C18orf63: variants seen among roughly 807,000 people sequenced by gnomAD.
C18orf63 encodes chromosome 18 open reading frame 63, also known as uncharacterized protein C18orf63.
Under a neutral mutation model 75.3 loss-of-function variants are expected in C18orf63, and 50 were observed. That is an observed-to-expected ratio of 0.66 (90% CI 0.53 to 0.84). The LOEUF is 0.84. Among genes scored for constraint, C18orf63 ranks in the 40% least tolerant of loss-of-function variants. The pLI is 0.00. For synonymous variants in C18orf63, 232 were observed against 267.6 expected (o/e 0.87, Z 1.30); for missense variants, 732 against 800.2 (o/e 0.91, Z 1.03).
At position 74,320,425 on chromosome 18, in the gene C18orf63, C is replaced by A. The variant is rs1009634152; in HGVS notation, c.135-88C>A. ...CTTCCCACCAGGTCCCTTGCCAACA[C>A]TGGGGATTATAATTCAACATGAGAT... On this transcript the variant is annotated intron_variant, in intron 2 of 13. Coordinates refer to ENST00000579455, the MANE Select transcript of C18orf63 (RefSeq NM_001174123.2). The A allele has an allele frequency of 1.2e-5, 11 of 882,866 alleles. No homozygotes were observed. The African/African-American group carries it at 1.4e-4, about 11-fold the overall frequency. The allele number at this position is 882,866 out of a possible 1,614,324, so 54.7% of individuals were successfully genotyped here. A position where few individuals can be genotyped will look rare whatever the true frequency, so the allele number is the denominator to read the frequency against.
At chr18:74,331,434 T>G (rs929079147) in intron 7 of C18orf63, among the ~76,000 whole-genome samples, 2 of 152,226 alleles carry the variant, frequency 1.3e-5, no homozygotes, top group Non-Finnish European at 2.9e-5. Flanking sequence ...GCATAGAACC[T>G]TACACACTAG....
chr18:74,344,304 C>T (rs955244465), intron 11 of C18orf63, among the ~76,000 whole-genome samples: 3 of 152,070 alleles, frequency 2.0e-5, no homozygotes, highest in East Asian at 1.9e-4. Flanking sequence ...ATCAGATTCA[C>T]GGTTTTTATT....
intron 11 of C18orf63, among the ~76,000 whole-genome samples, chr18:74,347,465 T>A (rs1276204176): frequency 6.6e-6 from 1 of 152,210 alleles, no homozygotes; most frequent in Admixed American, 6.5e-5. Context: ...TGGGCCACCG[T>A]GAAACAGGCA....
chr18:74,316,722 A>G (rs1037943731), intron 1 of C18orf63, among the ~76,000 whole-genome samples: 22 of 152,234 alleles, frequency 1.4e-4, no homozygotes, highest in African/African-American at 5.1e-4. Context: ...TCCGTAGATC[A>G]TAATAAGGCT....
intron 11 of C18orf63, among the ~76,000 whole-genome samples, chr18:74,352,769 T>C (rs76866062): frequency 0.024 from 3,594 of 152,304 alleles, 124 homozygotes; most frequent in East Asian, 0.17. Context: ...CACTAAAAGA[T>C]AAGAGAGCTT....
In C18orf63 at chr18:74,320,491, G is replaced by A. The variant is rs1326985482; in HGVS notation, c.135-22G>A. The stretch of plus-strand genomic sequence containing the variant: ...GAACCAAACCATACCAGTCCACTTT[G>A]TAATATATTTCATCTCCACAGGCAA... On this transcript the variant is annotated intron_variant, in intron 2 of 13. Transcript: ENST00000579455. 5.4e-6 allele frequency: 8 copies of A among 1,491,062 alleles called. No individual in the cohort carries two copies. In the South Asian group the frequency reaches 9.7e-5, roughly 18 times the overall value. The allele number at this position is 1,491,062 out of a possible 1,614,324, so 92.4% of individuals were successfully genotyped here.
rs146895507 is a variant in C18orf63, at chr18:74,342,129, G to T, written c.708+1G>T. On this transcript the variant is annotated splice_donor_variant, in intron 9 of 13. Transcript: ENST00000579455. LOFTEE classifies it high-confidence loss of function. ...TTTCCAGAGACACTGGGATGCCCTG[G>T]TAAGGAATGGAAATATATGTTACAT... The T allele has an allele frequency of 6.7e-6, 10 of 1,485,706 alleles. No individual in the cohort carries two copies. The African/African-American group carries it at 1.1e-4, about 17-fold the overall frequency. 92.0% of individuals were successfully genotyped at this position (1,485,706 alleles called of 1,614,324 possible).
chr18:74,338,342 A>C (rs2145124419), intron 7 of C18orf63, among the ~76,000 whole-genome samples: 1 of 152,220 alleles, frequency 6.6e-6, no homozygotes, highest in East Asian at 1.9e-4. Flanking sequence ...TCCTCCATTT[A>C]AAAAAACAAT....
rs1981793 is a variant in C18orf63 at position 74,338,392 on chromosome 18, C to T, written c.502-323C>T. ...ATTATTTTAAAATATGAACACCTTC[C>T]TTTGGAAGAGATTCAACTTCCTGCA... On this transcript the variant is annotated intron_variant, in intron 7 of 13. Transcript: ENST00000579455. Among the ~76,000 whole-genome samples the T allele has an allele frequency of 7.7e-3, 1,173 of 152,112 alleles. 17 individuals carry two copies. The highest frequency in any genetic ancestry group is 0.026 in the African/African-American group (1,086 of 41,518).
At chr18:74,318,397 G>A (rs1027609999) in intron 2 of C18orf63, among the ~76,000 whole-genome samples, 10 of 152,162 alleles carry the variant, frequency 6.6e-5, no homozygotes, top group Admixed American at 1.3e-4. Flanking sequence ...AAACATCTTA[G>A]ATTAGTATAG....
chr18:74,350,436 A>G lies in C18orf63; in HGVS notation c.979-2810A>G, dbSNP rs75324955. On this transcript the variant is annotated intron_variant, in intron 11 of 13. Transcript: ENST00000579455. ...TAGTAGGGTGGGCCCTTAATCCAAT[A>G]TGACTAGTGTTCTTATGAAAAGGGG... Among the ~76,000 whole-genome samples, 1,230 of 152,200 alleles carry G rather than the reference A, an allele frequency of 8.1e-3. 8 individuals carry two copies. Among genetic ancestry groups the G allele is most frequent in the Non-Finnish European group, 0.013 (878 of 68,008 alleles).
Position 74,358,794 on chromosome 18 carries a change from A to C in C18orf63, c.*2347A>C, listed in dbSNP as rs1984814547. On this transcript the variant is annotated 3_prime_UTR_variant, in exon 14 of 14. Transcript: ENST00000579455. ...CCAAGAATCATATTTCTAGGAATGC[A>C]AAAGTGCTTCTCATATACTCATATA... The C allele has an allele frequency of 6.6e-6, 1 of 152,174 alleles. No individual in the cohort carries two copies. Among genetic ancestry groups the C allele is most frequent in the Non-Finnish European group, 1.5e-5 (1 of 68,008 alleles). The allele number at this position is 152,174 out of a possible 1,614,324, so 9.4% of individuals were successfully genotyped here.
chr18:74,357,548 A>G lies in C18orf63; in HGVS notation c.*1101A>G, dbSNP rs937273670. The G allele has an allele frequency of 1.3e-5, 2 of 152,232 alleles. No homozygotes were observed. The highest frequency in any genetic ancestry group is 2.9e-5 in the Non-Finnish European group (2 of 68,032). The allele number at this position is 152,232 out of a possible 1,614,324, so 9.4% of individuals were successfully genotyped here. A position where few individuals can be genotyped will look rare whatever the true frequency, so the allele number is the denominator to read the frequency against. ...AAAGAAACCAAAATCTTCATTGGCT[A>G]TTCCACTGAAACAATAATTACATAA... On this transcript the variant is annotated 3_prime_UTR_variant, in exon 14 of 14. Coordinates refer to ENST00000579455, the MANE Select transcript of C18orf63 (RefSeq NM_001174123.2).
rs1984707433 is a variant in C18orf63 at position 74,353,577 on chromosome 18, C to A, written c.1310C>A (p.Pro437Gln). The change falls in exon 12 of 14, where the codon CCA becomes CAA. Residue 437 changes from proline (P) to glutamine (Q), a missense_variant. This residue lies in a region of C18orf63 where 495 missense variants were observed against 508.7 expected (regional missense o/e 0.97). Coordinates refer to ENST00000579455, the MANE Select transcript of C18orf63 (RefSeq NM_001174123.2). ...AGCAACATCACCCCTAAGTTTGTAC[C>A]AGTTTTCAAAAATAGATTGTTACAA... ...SQSNITPKFVPVFKNRLLQMN... is the reference protein window; with the variant it reads ...SQSNITPKFVQVFKNRLLQMN... 1 of 1,536,372 alleles carries A rather than the reference C, an allele frequency of 6.5e-7. No homozygotes were observed.
chr18:74,318,568 A>G (rs1984066941), intron 2 of C18orf63, among the ~76,000 whole-genome samples: 1 of 152,094 alleles, frequency 6.6e-6, no homozygotes. Context: ...AGGTGAGCGG[A>G]TCACGAGGTC....
intron 11 of C18orf63, among the ~76,000 whole-genome samples, chr18:74,349,358 G>A (rs1429311224): frequency 6.6e-6 from 1 of 152,144 alleles, no homozygotes; most frequent in Non-Finnish European, 1.5e-5. Flanking sequence ...GAGGGCAGTG[G>A]TATGTGGTGA....
intron 11 of C18orf63, among the ~76,000 whole-genome samples, chr18:74,351,743 A>G (rs777655245): frequency 5.9e-5 from 9 of 152,322 alleles, no homozygotes; most frequent in Middle Eastern, 3.4e-3. Flanking sequence ...ACTTGTGCCT[A>G]TTTCCAACTC....
chr18:74,331,874 T>A (rs1984313560), intron 7 of C18orf63, among the ~76,000 whole-genome samples: 1 of 152,210 alleles, frequency 6.6e-6, no homozygotes, highest in Admixed American at 6.5e-5. Flanking sequence ...CTTATGTGGA[T>A]AAGTAACAAA....
At chr18:74,352,487 GA>G (rs1281410967) in intron 11 of C18orf63, among the ~76,000 whole-genome samples, 1 of 35,860 alleles carries the variant, frequency 2.8e-5, no homozygotes, top group Non-Finnish European at 8.6e-5. Flanking sequence ...TAATGTATCT[GA>G]CAAATTTCTT....
Sources: allele counts gnomAD v4.1 joint callset (sites outside exome capture counted in the v4.1 genomes callset), GRCh38; gene constraint gnomAD v4.1.1; regional missense constraint gnomAD v4.1.1; transcripts MANE v1.5; gene names NCBI Gene and HGNC (gene_info 2026-07-23, HGNC 2026-07-21).